The following ARID1B variants were observed in gnomAD, a reference collection of about 807,000 sequenced individuals.
The protein encoded by ARID1B is AT-rich interaction domain 1B, also known as AT-rich interactive domain-containing protein 1B.
ARID1B carries 30 observed loss-of-function variants against 212.3 expected under a neutral mutation model. That is an observed-to-expected ratio of 0.14 (90% confidence interval 0.11 to 0.19). ARID1B has a LOEUF of 0.19. Among genes scored for constraint, ARID1B ranks in the 10% least tolerant of loss-of-function variants. The pLI, the probability that ARID1B is intolerant of heterozygous loss-of-function variation, is 1.00. For missense variants in ARID1B, 2,891 were observed against 3,204.0 expected (o/e 0.90, Z 2.36); for synonymous variants, 1,402 against 1,301.7 (o/e 1.08, Z -1.66).
At chr6:156,944,392 G>A (rs1792904315) in intron 4 of ARID1B, among the ~76,000 whole-genome samples, 1 of 152,108 alleles carries the variant, frequency 6.6e-6, no homozygotes, top group South Asian at 2.1e-4. Context: ...CCTTCCTGTG[G>A]TCTCCCTCTT....
At chr6:157,002,583 G>T (rs1209876450) in intron 4 of ARID1B, among the ~76,000 whole-genome samples, 1 of 152,228 alleles carries the variant, frequency 6.6e-6, no homozygotes, top group Admixed American at 6.5e-5. Flanking sequence ...TTTTATGGTT[G>T]TGATACATTT....
At chr6:157,012,649 A>G (rs559261710) in intron 4 of ARID1B, among the ~76,000 whole-genome samples, 2 of 152,214 alleles carry the variant, frequency 1.3e-5, no homozygotes, top group East Asian at 1.9e-4. Flanking sequence ...GCTTTAGTCT[A>G]ATTTCCTCAA....
chr6:156,956,957 A>G (rs888877665), intron 4 of ARID1B, among the ~76,000 whole-genome samples: 1 of 152,228 alleles, frequency 6.6e-6, no homozygotes, highest in Non-Finnish European at 1.5e-5. Context: ...TCAGGATCTT[A>G]TTACAGACTG....
At chr6:157,114,480 C>G (rs916013265) in intron 6 of ARID1B, among the ~76,000 whole-genome samples, 1 of 137,906 alleles carries the variant, frequency 7.3e-6, no homozygotes, top group Non-Finnish European at 1.5e-5. Flanking sequence ...GCTGAGATCA[C>G]GCCACTGCAC....
intron 13 of ARID1B, chr6:157,186,434 G>T: frequency 4.2e-6 from 2 of 471,110 alleles, no homozygotes; most frequent in Non-Finnish European, 8.8e-6. Context: ...CCCCGAGAGC[G>T]CGTGCAGGGG....
chr6:156,896,987 A>G (rs1788455552), intron 2 of ARID1B, among the ~76,000 whole-genome samples: 1 of 152,208 alleles, frequency 6.6e-6, no homozygotes, highest in Non-Finnish European at 1.5e-5. Flanking sequence ...TGGTGAAATG[A>G]AAAATGAGTC....
At chr6:157,165,960 G>C (rs758880892) in intron 8 of ARID1B, 1 of 152,192 alleles carries the variant, frequency 6.6e-6, no homozygotes, top group Admixed American at 6.5e-5. Context: ...GGAGGGGGTT[G>C]TAATTAATTT....
chr6:156,790,234 T>A (rs1223364013), intron 1 of ARID1B, among the ~76,000 whole-genome samples: 2 of 152,244 alleles, frequency 1.3e-5, no homozygotes, highest in Non-Finnish European at 2.9e-5. Flanking sequence ...AATTTAATTT[T>A]CCTACCATCA....
chr6:156,873,890 C>T (rs1275028869), intron 2 of ARID1B, among the ~76,000 whole-genome samples: 1 of 152,170 alleles, frequency 6.6e-6, no homozygotes, highest in African/African-American at 2.4e-5. Context: ...TTGTCAGCAC[C>T]CGCCAAAGCA....
chr6:156,780,835 A>C (rs892720701), intron 1 of ARID1B, among the ~76,000 whole-genome samples: 1 of 152,320 alleles, frequency 6.6e-6, no homozygotes, highest in African/African-American at 2.4e-5. Flanking sequence ...CATAGACTTT[A>C]ATTGGAGGCT....
chr6:157,033,504 C>T (rs1158306560), intron 4 of ARID1B, among the ~76,000 whole-genome samples: 2 of 152,102 alleles, frequency 1.3e-5, no homozygotes, highest in African/African-American at 2.4e-5. Context: ...ATAAAAAGGA[C>T]GTTGAAAGTG....
At position 157,206,494 on chromosome 6, in the gene ARID1B, G is replaced by A. The variant is rs766977678; in HGVS notation, c.5722G>A (p.Asp1908Asn). The change falls in exon 20 of 20, where the codon GAC becomes AAC. Residue 1908 changes from aspartate (D) to asparagine (N), a missense_variant. By Grantham distance (23) the Asp-to-Asn change is conservative. This residue lies in a region of ARID1B where 332 missense variants were observed against 369.2 expected (regional missense o/e 0.90). Transcript: ENST00000636930. The surrounding 1 kb of genome is among the most constrained non-coding windows in gnomAD (Gnocchi z 6.8). The part of the protein sequence containing the change: ...KEKPKQASKF[D>N]KLPIKIVKKN... ...GAAGCCCAAGCAAGCCAGTAAGTTCGACAAGCTGCCAATAAAGATAGTCAA... is the reference window on the plus strand; with the variant it reads ...GAAGCCCAAGCAAGCCAGTAAGTTCAACAAGCTGCCAATAAAGATAGTCAA... 3.0e-5 allele frequency: 48 copies of A among 1,613,980 alleles called. No homozygotes were observed. Among genetic ancestry groups the A allele is most frequent in the Non-Finnish European group, 4.0e-5 (47 of 1,180,032 alleles).
intron 9 of ARID1B, chr6:157,173,442 A>C (rs1791860230): frequency 6.6e-6 from 1 of 152,264 alleles, no homozygotes; most frequent in Non-Finnish European, 1.5e-5. Flanking sequence ...TCCTTCCAAA[A>C]TTTATTTTTA....
At chr6:156,849,063 T>C (rs557703367) in intron 2 of ARID1B, among the ~76,000 whole-genome samples, 7 of 152,352 alleles carry the variant, frequency 4.6e-5, no homozygotes, top group Non-Finnish European at 8.8e-5. Flanking sequence ...AACATATTTA[T>C]TAAATGTCAA....
chr6:157,138,659 T>G (rs1288001935), intron 7 of ARID1B, among the ~76,000 whole-genome samples: 1 of 152,210 alleles, frequency 6.6e-6, no homozygotes, highest in Non-Finnish European at 1.5e-5. Flanking sequence ...CAAGATCCTC[T>G]TCTCTGACGT....
intron 6 of ARID1B, among the ~76,000 whole-genome samples, chr6:157,115,859 G>C (rs766186609): frequency 4.6e-5 from 7 of 152,070 alleles, no homozygotes; most frequent in Non-Finnish European, 8.8e-5. Flanking sequence ...ATTTGCCATT[G>C]GTTTTTATTT....
In ARID1B at chr6:157,106,433, A is replaced by G. The variant is rs371507330; in HGVS notation, c.2492-4039A>G. On this transcript the variant is annotated intron_variant, in intron 5 of 19. Transcript: ENST00000636930. ...GTTTCATTCGGATTGTGGCAGCTTC[A>G]TCTCCTAGCAGTTGCTGGAGTGAGG... Among the ~76,000 whole-genome samples the G allele has an allele frequency of 3.2e-4, 48 of 152,264 alleles. No homozygotes were observed. The East Asian group carries it at 6.6e-3, about 21-fold the overall frequency.
intron 2 of ARID1B, among the ~76,000 whole-genome samples, chr6:156,897,209 G>GCTTCTTCTTCTTCTTCTT (rs1788493760): frequency 2.7e-5 from 2 of 73,012 alleles, no homozygotes; most frequent in Admixed American, 1.3e-4. Context: ...TGCTGCTGCT[G>GCTTCTTCTTCTTCTTCTT]CTGCTGCTGC....
chr6:157,133,738 ACAAAGCCTGAAATGGTTACATGT>A (rs988904598), intron 7 of ARID1B, among the ~76,000 whole-genome samples: 1 of 152,176 alleles, frequency 6.6e-6, no homozygotes, highest in African/African-American at 2.4e-5. Flanking sequence ...CGGAGACAGG[ACAAAGCCTGAAATGGTTACATGT>A]CTTTCACAAG....
Sources: gnomAD v4.1 joint callset for allele counts (sites outside exome capture counted in the v4.1 genomes callset) on GRCh38, gnomAD v4.1.1 for gene constraint, gnomAD v4.1.1 regional missense constraint, Gnocchi (gnomAD v3.1) non-coding constraint, MANE v1.5 for transcripts, NCBI Gene and HGNC (gene_info 2026-07-23, HGNC 2026-07-21) for gene names.